Variants in LAMC1 observed in about 807,000 individuals in gnomAD.
The protein encoded by LAMC1 is laminin subunit gamma 1.
Under a neutral mutation model 173.6 loss-of-function variants are expected in LAMC1, and 38 were observed. That is an observed-to-expected ratio of 0.22 (90% confidence interval 0.17 to 0.29). LAMC1 has a LOEUF of 0.29. LAMC1 is among the 10% of genes least tolerant of loss of function. LAMC1 has a pLI of 1.00. For synonymous variants in LAMC1, 746 were observed against 749.1 expected (o/e 1.00, Z 0.07); for missense variants, 1,824 against 2,051.8 (o/e 0.89, Z 2.14).
At chr1:183,037,901 T>TA (rs1248027580) in intron 1 of LAMC1, among the ~76,000 whole-genome samples, 1 of 152,204 alleles carries the variant, frequency 6.6e-6, no homozygotes, top group East Asian at 1.9e-4. Flanking sequence ...ATCCCCTTTT[T>TA]AAAAAAAGTC....
chr1:183,126,778 C>G (rs1385072918), intron 16 of LAMC1, among the ~76,000 whole-genome samples: 3 of 152,188 alleles, frequency 2.0e-5, no homozygotes, highest in Non-Finnish European at 2.9e-5. Context: ...TCCTTCATTT[C>G]TCCTGTGGAA....
chr1:183,069,331 TCATC>T (rs1335128589), intron 1 of LAMC1, among the ~76,000 whole-genome samples: 1 of 152,234 alleles, frequency 6.6e-6, no homozygotes, highest in Non-Finnish European at 1.5e-5. Context: ...GAGTAGCTGT[TCATC>T]AATATATGTA....
In LAMC1 at chr1:183,118,145, A is replaced by G. The variant is rs1196042264; in HGVS notation, c.1989A>G (p.Arg663=). The part of the protein sequence containing the change: ...SIKIRGTYSE[R]SAGYLDDVTL... ...AGATACGTGGGACATACAGTGAGAG[A>G]AGTAAGTTATGATATAATTTAGGAG... Residue 663 remains arginine (R), a splice_region_variant and synonymous_variant, in exon 11 of 28, where the codon AGA becomes AGG. Coordinates refer to ENST00000258341, the MANE Select transcript of LAMC1 (RefSeq NM_002293.4). 7.3e-6 allele frequency: 11 copies of G among 1,508,920 alleles called. No individual in the cohort carries two copies. The highest frequency in any genetic ancestry group is 1.4e-5 in the African/African-American group (1 of 72,630). The allele number at this position is 1,508,920 out of a possible 1,614,324, so 93.5% of individuals were successfully genotyped here. A position where few individuals can be genotyped will look rare whatever the true frequency, so the allele number is the denominator to read the frequency against.
At chr1:183,115,786 A>T in intron 6 of LAMC1, 149 bp downstream of exon 6, 1 of 648,676 alleles carries the variant, frequency 1.5e-6, no homozygotes, top group Non-Finnish European at 2.8e-6. Context: ...ATGGTGAGCC[A>T]CAAGGGGTTT....
chr1:183,139,264 C>T (rs1265261250), intron 26 of LAMC1, among the ~76,000 whole-genome samples: 2 of 152,154 alleles, frequency 1.3e-5, no homozygotes, highest in Non-Finnish European at 2.9e-5. Context: ...AAACAAACCA[C>T]CCTCACATGC....
rs1259665817 is a variant in LAMC1, at chr1:183,126,117, C to T, written c.2802-3C>T. On this transcript the variant is annotated splice_polypyrimidine_tract_variant and splice_region_variant and intron_variant, in intron 15 of 27. Coordinates refer to ENST00000258341, the MANE Select transcript of LAMC1 (RefSeq NM_002293.4). ...CTGAGAAATGTCCTGTGTTCATTTT[C>T]AGGTGTGACTGCCATGCCTTGGGCT... 32 of 1,611,906 alleles carry T rather than the reference C, an allele frequency of 2.0e-5. No individual in the cohort carries two copies. The highest frequency in any genetic ancestry group is 2.7e-5 in the Non-Finnish European group (32 of 1,179,434).
At chr1:183,045,485 A>G (rs1654244471) in intron 1 of LAMC1, among the ~76,000 whole-genome samples, 1 of 152,076 alleles carries the variant, frequency 6.6e-6, no homozygotes, top group African/African-American at 2.4e-5. Flanking sequence ...TGCCAATTGA[A>G]AAAAAAGTTC....
At chr1:183,094,152 C>T (rs1306949349) in intron 1 of LAMC1, among the ~76,000 whole-genome samples, 5 of 152,190 alleles carry the variant, frequency 3.3e-5, no homozygotes, top group African/African-American at 2.4e-5. Context: ...CTGCTTCAGC[C>T]GCACTGGCCT....
intron 1 of LAMC1, among the ~76,000 whole-genome samples, chr1:183,077,266 A>C (rs1031977838): frequency 6.6e-6 from 1 of 152,148 alleles, no homozygotes; most frequent in South Asian, 2.1e-4. Flanking sequence ...TTTTCATTTT[A>C]CATTGTGATC....
At position 183,132,511 on chromosome 1, in the gene LAMC1, A is replaced by T. The variant is rs573024038; in HGVS notation, c.3678A>T (p.Ala1226=). The T allele has an allele frequency of 3.1e-6, 5 of 1,613,952 alleles. No homozygotes were observed. In the South Asian group the frequency reaches 5.5e-5, roughly 18 times the overall value. Residue 1226 remains alanine (A), a synonymous_variant, in exon 21 of 28, where the codon GCA becomes GCT. Coordinates refer to ENST00000258341, the MANE Select transcript of LAMC1 (RefSeq NM_002293.4). ...LRTLAGENQT[A]FEIEELNRKY... Reference sequence around the variant, plus strand: ...CACTGGCAGGAGAAAATCAAACAGCATTTGAGATTGAAGAGCTTAATAGGA... The same window carrying T: ...CACTGGCAGGAGAAAATCAAACAGCTTTTGAGATTGAAGAGCTTAATAGGA...
At chr1:183,072,910 C>T (rs757442362) in intron 1 of LAMC1, among the ~76,000 whole-genome samples, 9 of 152,140 alleles carry the variant, frequency 5.9e-5, no homozygotes, top group Non-Finnish European at 8.8e-5. Context: ...CAGATGGGGC[C>T]GTCTAGTTGC....
intron 2 of LAMC1, among the ~76,000 whole-genome samples, chr1:183,105,783 C>A (rs917251374): frequency 1.3e-5 from 2 of 152,194 alleles, no homozygotes; most frequent in African/African-American, 4.8e-5. Flanking sequence ...TTTAGCTGAT[C>A]TGACAATGAG....
chr1:183,110,035 T>C (rs1656099424), intron 3 of LAMC1, among the ~76,000 whole-genome samples: 1 of 152,228 alleles, frequency 6.6e-6, no homozygotes, highest in South Asian at 2.1e-4. Flanking sequence ...AATAAAGCAC[T>C]CCTTGATCTT....
chr1:183,092,005 C>T (rs1390536931), intron 1 of LAMC1, among the ~76,000 whole-genome samples: 3 of 152,118 alleles, frequency 2.0e-5, no homozygotes, highest in Non-Finnish European at 2.9e-5. Context: ...GAATGCAAGT[C>T]GAATGATAGA....
intron 1 of LAMC1, among the ~76,000 whole-genome samples, chr1:183,026,818 TGTAA>T (rs1202798565): frequency 6.6e-6 from 1 of 152,242 alleles, no homozygotes; most frequent in Non-Finnish European, 1.5e-5. Context: ...TAAGTAGTTA[TGTAA>T]GTGTTTTGGC....
chr1:183,087,696 C>G (rs1655465596), intron 1 of LAMC1, among the ~76,000 whole-genome samples: 1 of 152,040 alleles, frequency 6.6e-6, no homozygotes, highest in Non-Finnish European at 1.5e-5. Flanking sequence ...TTCCTAAGTT[C>G]CTCTAAGATC....
At chr1:183,089,124 A>G (rs561905251) in intron 1 of LAMC1, among the ~76,000 whole-genome samples, 3 of 152,184 alleles carry the variant, frequency 2.0e-5, no homozygotes, top group Non-Finnish European at 4.4e-5. Context: ...GGTGTTGGAT[A>G]CCAAGTCTCT....
chr1:183,069,817 T>C (rs563126624), intron 1 of LAMC1, among the ~76,000 whole-genome samples: 1 of 152,340 alleles, frequency 6.6e-6, no homozygotes, highest in African/African-American at 2.4e-5. Flanking sequence ...CTTGTGCTGC[T>C]TTCTGAGGAG....
chr1:183,069,806 T>C (rs1654968703), intron 1 of LAMC1, among the ~76,000 whole-genome samples: 1 of 152,236 alleles, frequency 6.6e-6, no homozygotes, highest in Non-Finnish European at 1.5e-5. Context: ...TCTTTGCTGA[T>C]CTTGTGCTGC....
Sources: gnomAD v4.1 joint callset for allele counts (sites outside exome capture counted in the v4.1 genomes callset) on GRCh38, gnomAD v4.1.1 for gene constraint, MANE v1.5 for transcripts, NCBI Gene and HGNC (gene_info 2026-07-23, HGNC 2026-07-21) for gene names.